The following SNX10 variants were observed in gnomAD, a reference collection of about 807,000 sequenced individuals.
SNX10 encodes the protein sorting nexin-10.
In SNX10, 25 loss-of-function variants were observed where a neutral mutation model predicts 28.5. The observed-to-expected ratio is 0.88, with a 90% confidence interval of 0.64 to 1.22. The LOEUF (loss-of-function observed/expected upper bound fraction) is 1.22. SNX10 is among the 50% of genes most tolerant of loss of function. The probability of loss-of-function intolerance (pLI) is 0.00; values close to 1 mark genes in which losing one functional copy is unlikely to be tolerated. For missense variants in SNX10, 223 were observed against 242.6 expected, an observed-to-expected ratio of 0.92 and a Z score of 0.54; for synonymous variants, 62 against 81.4, an observed-to-expected ratio of 0.76 and a Z score of 1.28.
At chr7:26,361,764 G>T (rs1362491632) in intron 3 of SNX10, among the ~76,000 whole-genome samples, 1 of 152,246 alleles carries the variant, frequency 6.6e-6, no homozygotes, top group Non-Finnish European at 1.5e-5. Context: ...CACAGACAGT[G>T]CATAAATGAA....
chr7:26,316,012 C>T (rs866861848), intron 1 of SNX10, among the ~76,000 whole-genome samples: 1 of 151,730 alleles, frequency 6.6e-6, no homozygotes, highest in Non-Finnish European at 1.5e-5. Context: ...GAAACCCCGT[C>T]TCTACTAAAC....
At chr7:26,343,977 AAC>A in intron 1 of SNX10, among the ~76,000 whole-genome samples, 1 of 152,166 alleles carries the variant, frequency 6.6e-6, no homozygotes, top group Non-Finnish European at 1.5e-5. Context: ...AATGGTAAAA[AAC>A]ACACAACCTA....
intron 1 of SNX10, among the ~76,000 whole-genome samples, chr7:26,298,451 G>A (rs1382730692): frequency 1.3e-5 from 2 of 152,100 alleles, no homozygotes; most frequent in African/African-American, 2.4e-5. Context: ...CAGTGTTGAC[G>A]AAGGTGTGGG....
At chr7:26,316,993 G>C (rs1787119797) in intron 1 of SNX10, among the ~76,000 whole-genome samples, 1 of 152,116 alleles carries the variant, frequency 6.6e-6, no homozygotes, top group African/African-American at 2.4e-5. Flanking sequence ...CATATTTCCT[G>C]TATGCGTTAC....
intron 1 of SNX10, among the ~76,000 whole-genome samples, chr7:26,344,144 T>A (rs1412481776): frequency 6.7e-6 from 1 of 150,266 alleles, no homozygotes; most frequent in Non-Finnish European, 1.5e-5. Context: ...CTCCCATACT[T>A]GGCAGCCACC....
chr7:26,329,978 T>C (rs1351865005), intron 1 of SNX10, among the ~76,000 whole-genome samples: 1 of 151,888 alleles, frequency 6.6e-6, no homozygotes, highest in Non-Finnish European at 1.5e-5. Flanking sequence ...GGGTCAGGGC[T>C]CTAGTGGTTT....
At chr7:26,365,386 G>A (rs1789247309) in intron 5 of SNX10, among the ~76,000 whole-genome samples, 1 of 152,136 alleles carries the variant, frequency 6.6e-6, no homozygotes, top group Non-Finnish European at 1.5e-5. Flanking sequence ...TAAATATCTG[G>A]TCCTTTAAGC....
intron 1 of SNX10, among the ~76,000 whole-genome samples, chr7:26,296,022 T>C (rs1407244467): frequency 6.6e-6 from 1 of 152,100 alleles, no homozygotes; most frequent in Non-Finnish European, 1.5e-5. Flanking sequence ...GTAGTCCCAG[T>C]TACTTAAGAG....
At chr7:26,308,889 A>G (rs1364962037) in intron 1 of SNX10, among the ~76,000 whole-genome samples, 2 of 152,108 alleles carry the variant, frequency 1.3e-5, no homozygotes, top group Non-Finnish European at 2.9e-5. Context: ...GGGTTGGAGG[A>G]CACCCAGCTG....
chr7:26,349,172 A>G (rs766914363), intron 2 of SNX10, among the ~76,000 whole-genome samples: 64 of 152,320 alleles, frequency 4.2e-4, no homozygotes, highest in African/African-American at 1.4e-3. Flanking sequence ...CCAAGGGTAC[A>G]GTGAGTATGG....
In SNX10 at chr7:26,364,617, A is replaced by G. The variant is rs1476042289; in HGVS notation, c.194A>G (p.Gln65Arg). 5.0e-6 allele frequency: 8 copies of G among 1,612,848 alleles called. No individual in the cohort carries two copies. The highest frequency in any genetic ancestry group is 1.3e-5 in the African/African-American group (1 of 74,904). ...TTCGTGTGGCTGAGGCAGAGACTCCAAAGTAATGCGTTGCTGGTGTAAGTG... is the reference window on the plus strand; with the variant it reads ...TTCGTGTGGCTGAGGCAGAGACTCCGAAGTAATGCGTTGCTGGTGTAAGTG... ...REFVWLRQRL[Q>R]SNALLVQLPE... Residue 65 changes from glutamine to arginine, a missense_variant, in exon 4 of 7, where the codon CAA (glutamine) becomes CGA (arginine). By Grantham distance (43) the Gln-to-Arg change is conservative. Coordinates refer to ENST00000338523, the MANE Select transcript of SNX10 (RefSeq NM_013322.3). This position sits in a 1 kb window ranked among gnomAD's most constrained non-coding sequence, Gnocchi z 4.9.
chr7:26,345,384 C>T (rs2391276), intron 1 of SNX10, among the ~76,000 whole-genome samples: 100 of 151,954 alleles, frequency 6.6e-4, no homozygotes, highest in East Asian at 9.7e-4. Flanking sequence ...TTGAACACTG[C>T]GATCCCCTGC....
In SNX10 at chr7:26,365,093, A is replaced by G. The variant is rs1300376238; in HGVS notation, c.259A>G (p.Asn87Asp). ...PSKNLFFNMN[N>D]RQHVDQRRQG... Reference sequence around the variant, plus strand: ...TAAAAACCTGTTTTTCAACATGAACAATCGCCAGCACGTGGATCAGCGTCG... The same window carrying G: ...TAAAAACCTGTTTTTCAACATGAACGATCGCCAGCACGTGGATCAGCGTCG... The change falls in exon 5 of 7, where the codon AAT becomes GAT. Residue 87 changes from asparagine (N) to aspartate (D), a missense_variant. Physicochemically the swap from Asn to Asp is conservative, Grantham distance 23 (BLOSUM62 1). Coordinates refer to ENST00000338523, the MANE Select transcript of SNX10 (RefSeq NM_013322.3). 1.7e-5 allele frequency: 27 copies of G among 1,613,408 alleles called. No homozygotes were observed. Among genetic ancestry groups the G allele is most frequent in the Non-Finnish European group, 2.3e-5 (27 of 1,179,452 alleles).
At chr7:26,316,209 G>C (rs1445339392) in intron 1 of SNX10, among the ~76,000 whole-genome samples, 2 of 149,942 alleles carry the variant, frequency 1.3e-5, no homozygotes, top group South Asian at 2.1e-4. Flanking sequence ...AAAAAACCTA[G>C]AGTAAAAAAA....
chr7:26,299,178 T>C (rs1257344075), intron 1 of SNX10, among the ~76,000 whole-genome samples: 1 of 152,074 alleles, frequency 6.6e-6, no homozygotes, highest in East Asian at 1.9e-4. Flanking sequence ...GGAAAGGGAA[T>C]GGCATTATGG....
intron 5 of SNX10, among the ~76,000 whole-genome samples, chr7:26,369,471 C>T (rs1263778122): frequency 2.6e-5 from 4 of 152,122 alleles, no homozygotes; most frequent in African/African-American, 4.8e-5. Context: ...AACTATCTGA[C>T]TAAAATAAGC....
chr7:26,305,577 C>T (rs75041174), intron 1 of SNX10, among the ~76,000 whole-genome samples: 2,061 of 152,300 alleles, frequency 0.014, 51 homozygotes, highest in African/African-American at 0.048. Flanking sequence ...GGGGTCTCTT[C>T]ATCAGCTTGT....
At chr7:26,303,406 T>TG (rs1475912732) in intron 1 of SNX10, among the ~76,000 whole-genome samples, 1 of 152,190 alleles carries the variant, frequency 6.6e-6, no homozygotes, top group Non-Finnish European at 1.5e-5. Context: ...CTTCTCTACT[T>TG]GCACATGGTT....
chr7:26,357,327 T>TAAAAAA lies in SNX10; in HGVS notation c.25-3634_25-3629dup, dbSNP rs372771552. 2.7e-5 allele frequency among the ~76,000 whole-genome samples: 3 copies of TAAAAAA among 109,400 alleles called. 1 individual carries two copies. The highest frequency in any genetic ancestry group is 3.6e-5 in the Non-Finnish European group (2 of 54,924). The allele number at this position is 109,400 out of a possible 152,430, so 71.8% of individuals were successfully genotyped here. On this transcript the variant is annotated intron_variant, in intron 2 of 6. Transcript: ENST00000338523. ...AAAATAGTAGAAGAAAAGAGAAGAT[T>TAAAAAA]AAAAAAAAAAAAAAAAAAAGGCAGT... is the stretch of plus-strand genomic sequence containing the variant.
Sources: allele counts gnomAD v4.1 joint callset (sites outside exome capture counted in the v4.1 genomes callset), GRCh38; gene constraint gnomAD v4.1.1; non-coding constraint Gnocchi (gnomAD v3.1); transcripts MANE v1.5; gene names NCBI Gene and HGNC (gene_info 2026-07-23, HGNC 2026-07-21).